The following PCNT variants were observed in gnomAD, a reference collection of about 807,000 sequenced individuals.
The protein encoded by PCNT is kendrin.
Under a neutral mutation model 380.4 loss-of-function variants are expected in PCNT, and 319 were observed. The observed-to-expected ratio is 0.84, with a 90% confidence interval of 0.77 to 0.92. The LOEUF (loss-of-function observed/expected upper bound fraction) is 0.92, where lower values mean the gene tolerates loss of function less well. Among genes scored for constraint, PCNT ranks in the 40% least tolerant of loss-of-function variants. The pLI is 0.00. For synonymous variants in PCNT, 1,845 were observed against 1,735.2 expected (o/e 1.06, Z -1.57); for missense variants, 4,400 against 4,255.3 (o/e 1.03, Z -0.95).
At chr21:46,341,432 A>G (rs1234176400) in intron 3 of PCNT, among the ~76,000 whole-genome samples, 2 of 151,872 alleles carry the variant, frequency 1.3e-5, no homozygotes, top group Non-Finnish European at 2.9e-5. Context: ...CCACATTTTC[A>G]TCTGATCAGT....
At chr21:46,431,117 C>T (rs915913847) in intron 37 of PCNT, 10 of 1,183,362 alleles carry the variant, frequency 8.5e-6, no homozygotes, top group African/African-American at 1.6e-5. Context: ...TCCTAGCAAG[C>T]TGGGTGTGTA....
rs569232519 is a variant in PCNT at position 46,390,933 on chromosome 21, A to G, written c.4003+101A>G. ...CCTTCAGAATAGGGTTTTTAAAGTG[A>G]AATGTAAAAACAAAGCCAACATGGG... On this transcript the variant is annotated intron_variant, in intron 20 of 46. Coordinates refer to ENST00000359568, the MANE Select transcript of PCNT (RefSeq NM_006031.6). 1.0e-4 allele frequency: 147 copies of G among 1,408,504 alleles called. 3 individuals are homozygous for G. Among genetic ancestry groups the G allele is most frequent in the South Asian group, 1.0e-3 (83 of 80,168 alleles). The allele number at this position is 1,408,504 out of a possible 1,614,324, so 87.3% of individuals were successfully genotyped here. A position where few individuals can be genotyped will look rare whatever the true frequency, so the allele number is the denominator to read the frequency against.
chr21:46,327,012 C>CA (rs778654986), intron 2 of PCNT, among the ~76,000 whole-genome samples: 1,402 of 124,962 alleles, frequency 0.011, 19 homozygotes, highest in African/African-American at 0.032. Flanking sequence ...GACTCTCTCT[C>CA]AAAAAAAAAA....
At position 46,444,803 on chromosome 21, in the gene PCNT, T is replaced by C. The variant is rs111389121; in HGVS notation, c.9949T>C (p.Leu3317=). 566 of 1,613,648 alleles carry C rather than the reference T, an allele frequency of 3.5e-4. 3 individuals carry two copies. In the African/African-American group the frequency reaches 5.0e-3, roughly 14 times the overall value. ...IHHLEVIQQR[L]GGVLPDSTSK... ...CCATTTAGAAGTGATCCAGCAAAGA[T>C]TGGGAGGGGTACTACCAGGTAATGC... The change falls in exon 46 of 47, where the codon TTG becomes CTG. Residue 3317 remains leucine, a synonymous_variant. Coordinates refer to ENST00000359568, the MANE Select transcript of PCNT (RefSeq NM_006031.6).
chr21:46,351,170 C>T (rs1010170186), intron 8 of PCNT, among the ~76,000 whole-genome samples: 1 of 152,184 alleles, frequency 6.6e-6, no homozygotes, highest in Non-Finnish European at 1.5e-5. Flanking sequence ...GCCGTGCCAC[C>T]TCCTCAGCTG....
chr21:46,353,124 G>T lies in PCNT; in HGVS notation c.1477G>T (p.Ala493Ser), dbSNP rs1321044534. The T allele has an allele frequency of 6.2e-7, 1 of 1,613,954 alleles. No individual in the cohort carries two copies. Among genetic ancestry groups the T allele is most frequent in the East Asian group, 2.2e-5 (1 of 44,882 alleles). Residue 493 changes from alanine to serine, a missense_variant, in exon 10 of 47, where the codon GCG becomes TCG. By Grantham distance (99) the Ala-to-Ser change is moderately conservative. Coordinates refer to ENST00000359568, the MANE Select transcript of PCNT (RefSeq NM_006031.6). Reference protein sequence around the residue: ...ELSELHEQLLARTSRVEDLEQ... With the variant: ...ELSELHEQLLSRTSRVEDLEQ... ...TGCAGAGCTACATGAGCAACTCCTG[G>T]CGCGCACCTCTCGTGTGGAAGATTT...
chr21:46,333,984 A>G (rs1601757080), intron 2 of PCNT, among the ~76,000 whole-genome samples: 1 of 152,132 alleles, frequency 6.6e-6, no homozygotes, highest in South Asian at 2.1e-4. Context: ...AGGCGGGCGG[A>G]TCACGAGGTC....
At chr21:46,352,987 G>A in intron 9 of PCNT, 117 bp from the exon 10 acceptor site, 1 of 803,748 alleles carries the variant, frequency 1.2e-6, no homozygotes, top group South Asian at 1.4e-5. Flanking sequence ...CTCCGGTTCT[G>A]GGATGGGCCC....
At chr21:46,417,184 CTTTTT>C (rs71318076) in intron 30 of PCNT, among the ~76,000 whole-genome samples, 7,470 of 72,888 alleles carry the variant, frequency 0.1, 168 homozygotes, top group African/African-American at 0.31. Flanking sequence ...GGAATGCTTC[CTTTTT>C]TTTTTTTTTT....
In PCNT at chr21:46,427,780, G is replaced by T; in HGVS notation, c.7479G>T (p.Lys2493Asn). 1 of 1,613,530 alleles carries T rather than the reference G, an allele frequency of 6.2e-7. No individual in the cohort carries two copies. The highest frequency in any genetic ancestry group is 2.2e-5 in the East Asian group (1 of 44,878). The change falls in exon 34 of 47, where the codon AAG becomes AAT. Residue 2493 changes from lysine to asparagine, a missense_variant. Lys to Asn is a moderately conservative substitution (Grantham distance 94, BLOSUM62 0). Transcript: ENST00000359568. ...GHSSLLERLE[K>N]IIREQGDLQE... ...GCTCCCTGCTCGAAAGGCTGGAGAA[G>T]ATCATCCGTGAGCAGGTGAGTGTCA...
At chr21:46,325,641 T>G (rs1254224296) in intron 1 of PCNT, among the ~76,000 whole-genome samples, 3 of 152,210 alleles carry the variant, frequency 2.0e-5, no homozygotes, top group South Asian at 2.1e-4. Context: ...TGCGTTTGTT[T>G]TTGTGGCCAC....
At chr21:46,391,874 G>T (rs1388442237) in intron 21 of PCNT, among the ~76,000 whole-genome samples, 1 of 152,236 alleles carries the variant, frequency 6.6e-6, no homozygotes, top group East Asian at 1.9e-4. Context: ...GCAGGGAGCT[G>T]CGTCCTCAGT....
At chr21:46,402,637 G>A (rs1358561433) in intron 27 of PCNT, among the ~76,000 whole-genome samples, 154 bp downstream of exon 27, 1 of 152,296 alleles carries the variant, frequency 6.6e-6, no homozygotes, top group East Asian at 1.9e-4. Flanking sequence ...GCCCGATTCT[G>A]CCTGGGGACA....
intron 25 of PCNT, among the ~76,000 whole-genome samples, chr21:46,400,489 G>A (rs2086382950): frequency 6.8e-6 from 1 of 146,500 alleles, no homozygotes; most frequent in Non-Finnish European, 1.5e-5. Context: ...GAGAGGAGGA[G>A]TCTTTCTCAG....
intron 30 of PCNT, 44 bp downstream of exon 30, chr21:46,416,883 TGTG>T (rs1331628889): frequency 6.3e-7 from 1 of 1,587,108 alleles, no homozygotes; most frequent in Non-Finnish European, 8.5e-7. Context: ...CCCGTGGGAA[TGTG>T]GTCTGCCCGG....
chr21:46,418,051 G>A (rs1033239095), intron 30 of PCNT, among the ~76,000 whole-genome samples, 153 bp from the exon 31 acceptor site: 5 of 152,216 alleles, frequency 3.3e-5, no homozygotes, highest in Admixed American at 3.3e-4. Context: ...ATTGTTGGAA[G>A]CATTCGACCT....
chr21:46,341,063 T>A (rs1433645822), intron 3 of PCNT, among the ~76,000 whole-genome samples: 1 of 35,378 alleles, frequency 2.8e-5, no homozygotes, highest in Non-Finnish European at 5.0e-5. Flanking sequence ...TTTGTATTTT[T>A]AGTAGAGATG....
chr21:46,438,159 C>T lies in PCNT; in HGVS notation c.9100-5C>T. The T allele has an allele frequency of 6.2e-7, 1 of 1,611,676 alleles. No individual in the cohort carries two copies. Among genetic ancestry groups the T allele is most frequent in the Non-Finnish European group, 8.5e-7 (1 of 1,177,928 alleles). On this transcript the variant is annotated splice_region_variant and splice_polypyrimidine_tract_variant and intron_variant, in intron 40 of 46. Transcript: ENST00000359568. ...TTCTTACAAATTTATTTTCTTTTCT[C>T]CAAGAAAAAAATGGCAGCAGAGCTG...
intron 2 of PCNT, among the ~76,000 whole-genome samples, chr21:46,331,042 G>C (rs1024203628): frequency 2.1e-5 from 3 of 139,764 alleles, no homozygotes; most frequent in Non-Finnish European, 5.0e-5. Context: ...GTGTGTGTGA[G>C]AGTGTGTGTA....
Sources: allele counts gnomAD v4.1 joint callset (sites outside exome capture counted in the v4.1 genomes callset), GRCh38; gene constraint gnomAD v4.1.1; transcripts MANE v1.5; gene names NCBI Gene and HGNC (gene_info 2026-07-23, HGNC 2026-07-21).